GALNT1: variants seen among roughly 807,000 people sequenced by gnomAD.
The protein encoded by GALNT1 is GalNAc transferase 1.
Under a neutral mutation model 65.7 loss-of-function variants are expected in GALNT1, and 17 were observed. The observed-to-expected ratio is 0.26, with a 90% CI of 0.18 to 0.39. The LOEUF is 0.39. GALNT1 is among the 10% of genes least tolerant of loss of function. GALNT1 has a pLI of 1.00. For synonymous variants in GALNT1, 210 were observed against 219.7 expected, an observed-to-expected ratio of 0.96 and a Z score of 0.39; for missense variants, 460 against 672.8, an observed-to-expected ratio of 0.68 and a Z score of 3.50.
chr18:35,649,271 T>G (rs1418590931), intron 1 of GALNT1, among the ~76,000 whole-genome samples: 1 of 152,234 alleles, frequency 6.6e-6, no homozygotes, highest in African/African-American at 2.4e-5. Flanking sequence ...CATAGTGGTG[T>G]TTCATTGTGG....
intron 11 of GALNT1, among the ~76,000 whole-genome samples, chr18:35,704,954 T>A (rs57318075): frequency 0.082 from 12,429 of 152,236 alleles, 560 homozygotes; most frequent in African/African-American, 0.12. Context: ...TGGCCTGATA[T>A]TTTCATATCC....
chr18:35,668,785 A>G (rs1377594939), intron 3 of GALNT1, among the ~76,000 whole-genome samples: 1 of 152,242 alleles, frequency 6.6e-6, no homozygotes, highest in Non-Finnish European at 1.5e-5. Flanking sequence ...TGTTCTTACC[A>G]CAATGACGTA....
Position 35,629,710 on chromosome 18 carries a change from A to G in GALNT1, c.-103-24850A>G, listed in dbSNP as rs547746144. Among the ~76,000 whole-genome samples the G allele has an allele frequency of 2.3e-3, 348 of 152,370 alleles. 2 individuals are homozygous for G. The highest frequency in any genetic ancestry group is 4.1e-3 in the Non-Finnish European group (276 of 68,044). On this transcript the variant is annotated intron_variant, in intron 1 of 11. Transcript: ENST00000269195. Reference sequence around the variant, plus strand: ...CATAATGACAGGATCAAATTCACACATAACAATATTAACCTTAAATGTAAA... The same window carrying G: ...CATAATGACAGGATCAAATTCACACGTAACAATATTAACCTTAAATGTAAA...
chr18:35,687,356 C>G (rs374937495), intron 6 of GALNT1, among the ~76,000 whole-genome samples, 170 bp downstream of exon 6: 1 of 152,178 alleles, frequency 6.6e-6, no homozygotes, highest in South Asian at 2.1e-4. Context: ...AGAAGGATTT[C>G]TCCTCTAATA....
intron 9 of GALNT1, among the ~76,000 whole-genome samples, chr18:35,699,962 A>G (rs1226218224): frequency 6.6e-6 from 1 of 152,148 alleles, no homozygotes. Flanking sequence ...GCATCCCTAG[A>G]AAATGTTTGT....
chr18:35,662,353 C>T (rs1342395277), intron 2 of GALNT1, among the ~76,000 whole-genome samples: 2 of 152,144 alleles, frequency 1.3e-5, no homozygotes, highest in Non-Finnish European at 2.9e-5. Context: ...CACATAAAAT[C>T]CCAATTTATC....
intron 1 of GALNT1, among the ~76,000 whole-genome samples, chr18:35,582,453 GA>G (rs1454366398): frequency 2.0e-5 from 3 of 152,344 alleles, no homozygotes; most frequent in Middle Eastern, 3.4e-3. Flanking sequence ...CAGGAATTGG[GA>G]TGATTTGCAT....
At chr18:35,705,365 C>T (rs2048238953) in intron 11 of GALNT1, among the ~76,000 whole-genome samples, 1 of 152,208 alleles carries the variant, frequency 6.6e-6, no homozygotes, top group African/African-American at 2.4e-5. Context: ...AGTTATTTAT[C>T]TAGCAATCTT....
chr18:35,605,691 T>TATAATGAACCCTC (rs2046638428), intron 1 of GALNT1, among the ~76,000 whole-genome samples: 1 of 152,010 alleles, frequency 6.6e-6, no homozygotes, highest in Admixed American at 6.6e-5. Context: ...TAGAGAATAG[T>TATAATGAACCCTC]ATAATGAACC....
At chr18:35,692,380 A>G in intron 9 of GALNT1, 60 bp downstream of exon 9, 1 of 1,098,018 alleles carries the variant, frequency 9.1e-7, no homozygotes, top group Non-Finnish European at 1.2e-6. Context: ...TTTTATTAAA[A>G]AAAAATAGGA....
At chr18:35,601,460 A>G (rs1308087273) in intron 1 of GALNT1, among the ~76,000 whole-genome samples, 1 of 150,220 alleles carries the variant, frequency 6.7e-6, no homozygotes, top group Non-Finnish European at 1.5e-5. Context: ...GTTCTTTATT[A>G]TTTTTTCCTT....
At chr18:35,645,267 G>T (rs1270528008) in intron 1 of GALNT1, among the ~76,000 whole-genome samples, 1 of 110,036 alleles carries the variant, frequency 9.1e-6, no homozygotes, top group Non-Finnish European at 1.7e-5. Context: ...GTCTCGCTCT[G>T]TTGCCCAGGC....
chr18:35,704,169 C>T (rs2048214460), intron 11 of GALNT1, among the ~76,000 whole-genome samples: 1 of 152,220 alleles, frequency 6.6e-6, no homozygotes, highest in South Asian at 2.1e-4. Context: ...TGGTAAACCT[C>T]TTTCCACCTA....
chr18:35,615,938 G>A (rs579823), intron 1 of GALNT1, among the ~76,000 whole-genome samples: 91,979 of 152,066 alleles, frequency 0.6, 28,240 homozygotes, highest in Middle Eastern at 0.71. Flanking sequence ...TTTGCAGGCC[G>A]TACAGTCTCT....
intron 2 of GALNT1, among the ~76,000 whole-genome samples, chr18:35,655,496 ATTCT>A (rs1480070141): frequency 6.7e-6 from 1 of 149,350 alleles, no homozygotes; most frequent in East Asian, 1.9e-4. Context: ...TTTTTAAAAA[ATTCT>A]TTTTTTTTTT....
rs17671401 is a variant in GALNT1, at chr18:35,675,664, A to G, written c.315-1927A>G. On this transcript the variant is annotated intron_variant, in intron 3 of 11. Coordinates refer to ENST00000269195, the MANE Select transcript of GALNT1 (RefSeq NM_020474.4). ...CTAACAGTACCATTTGTATCTGTAC[A>G]TCTTTCATGCATCACTTGATTTTAT... Among the ~76,000 whole-genome samples the G allele has an allele frequency of 5.1e-3, 777 of 152,316 alleles. 47 individuals are homozygous for G. In the East Asian group the frequency reaches 0.12, roughly 23 times the overall value.
intron 5 of GALNT1, among the ~76,000 whole-genome samples, chr18:35,684,529 A>C (rs2144614198): frequency 6.6e-6 from 1 of 152,322 alleles, no homozygotes; most frequent in East Asian, 1.9e-4. Flanking sequence ...TGAAGATAAC[A>C]CACAACCCAT....
chr18:35,683,182 T>C (rs1406720123), intron 4 of GALNT1, among the ~76,000 whole-genome samples: 2 of 152,186 alleles, frequency 1.3e-5, no homozygotes, highest in Non-Finnish European at 2.9e-5. Context: ...ATTCTCCTAA[T>C]TCTGCATATA....
intron 1 of GALNT1, among the ~76,000 whole-genome samples, chr18:35,626,789 G>A (rs1242933074): frequency 2.0e-5 from 3 of 152,162 alleles, no homozygotes; most frequent in Non-Finnish European, 4.4e-5. Flanking sequence ...CCTCAAGATG[G>A]TTACATTACT....
Sources: allele counts gnomAD v4.1 joint callset (sites outside exome capture counted in the v4.1 genomes callset), GRCh38; gene constraint gnomAD v4.1.1; transcripts MANE v1.5; gene names NCBI Gene and HGNC (gene_info 2026-07-23, HGNC 2026-07-21).